Variants in CORIN observed in about 807,000 individuals in gnomAD.
CORIN encodes the protein corin, serine peptidase.
CORIN carries 117 observed loss-of-function variants against 125.3 expected under a neutral mutation model. The ratio of observed to expected loss-of-function variants is 0.93; its 90% CI spans 0.80 to 1.09. The LOEUF is 1.09. Among genes scored for constraint, CORIN ranks in the 50% least tolerant of loss-of-function variants. The pLI is 0.00. For synonymous variants in CORIN, 450 were observed against 466.4 expected, an observed-to-expected ratio of 0.96 and a Z score of 0.45; for missense variants, 1,253 against 1,306.7, an observed-to-expected ratio of 0.96 and a Z score of 0.63.
chr4:47,836,947 G>A (rs1733459931), intron 1 of CORIN, among the ~76,000 whole-genome samples: 1 of 152,248 alleles, frequency 6.6e-6, no homozygotes, highest in Non-Finnish European at 1.5e-5. Context: ...GACCCTCGCG[G>A]TAGCAAGCGG....
At chr4:47,741,463 T>G (rs1409774251) in intron 5 of CORIN, among the ~76,000 whole-genome samples, 1 of 151,982 alleles carries the variant, frequency 6.6e-6, no homozygotes, top group Non-Finnish European at 1.5e-5. Flanking sequence ...ACTGGAGCCC[T>G]CATACATTGT....
rs758543275 is a variant in CORIN at position 47,645,196 on chromosome 4, T to C, written c.1844-2A>G. 1.3e-6 allele frequency: 2 copies of C among 1,515,236 alleles called. No individual in the cohort carries two copies. Among genetic ancestry groups the C allele is most frequent in the South Asian group, 2.3e-5 (2 of 86,210 alleles). The allele number at this position is 1,515,236 out of a possible 1,614,324, so 93.9% of individuals were successfully genotyped here. A position where few individuals can be genotyped will look rare whatever the true frequency, so the allele number is the denominator to read the frequency against. On this transcript the variant is annotated splice_acceptor_variant, in intron 13 of 21. Coordinates refer to ENST00000273857, the MANE Select transcript of CORIN (RefSeq NM_006587.4). LOFTEE classifies it high-confidence loss of function. The stretch of plus-strand genomic sequence containing the variant: ...CCCAAAGATCTCTCTCTTTACAACC[T>C]AGAGACAGAAGAAAAGGTTATTTGC...
chr4:47,709,036 G>C (rs1428914801), intron 5 of CORIN, among the ~76,000 whole-genome samples: 2 of 152,192 alleles, frequency 1.3e-5, no homozygotes, highest in African/African-American at 4.8e-5. Context: ...AGAAACAGAA[G>C]AGGGCAATGG....
At chr4:47,707,945 A>G (rs1433402794) in intron 5 of CORIN, among the ~76,000 whole-genome samples, 2 of 152,212 alleles carry the variant, frequency 1.3e-5, no homozygotes, top group East Asian at 3.9e-4. Context: ...TATATGTCTT[A>G]AAGACTTTAC....
At chr4:47,659,732 A>G (rs1225927535) in intron 12 of CORIN, among the ~76,000 whole-genome samples, 1 of 152,220 alleles carries the variant, frequency 6.6e-6, no homozygotes, top group Non-Finnish European at 1.5e-5. Context: ...ACTGGGGATT[A>G]CATCTCAACA....
At chr4:47,667,010 C>T (rs1724511945) in intron 10 of CORIN, among the ~76,000 whole-genome samples, 1 of 152,196 alleles carries the variant, frequency 6.6e-6, no homozygotes, top group South Asian at 2.1e-4. Flanking sequence ...TTGTAGCTCC[C>T]ATAATCCCCA....
chr4:47,758,707 C>T (rs1326146891), intron 4 of CORIN, among the ~76,000 whole-genome samples: 1 of 152,148 alleles, frequency 6.6e-6, no homozygotes, highest in Admixed American at 6.5e-5. Context: ...GCAGTTACCC[C>T]CATGTTGCTG....
intron 20 of CORIN, among the ~76,000 whole-genome samples, chr4:47,602,016 T>G (rs925487331): frequency 6.6e-6 from 1 of 152,080 alleles, no homozygotes; most frequent in Admixed American, 6.6e-5. Flanking sequence ...ACTTACAGTT[T>G]TTTTTTTTTA....
chr4:47,613,861 TGAC>T (rs1721966719), intron 19 of CORIN, among the ~76,000 whole-genome samples: 1 of 148,174 alleles, frequency 6.7e-6, no homozygotes, highest in Non-Finnish European at 1.5e-5. Flanking sequence ...TAATGCTAGA[TGAC>T]GAGTTAGTGG....
intron 2 of CORIN, among the ~76,000 whole-genome samples, chr4:47,793,667 T>C (rs1171049907): frequency 2.0e-5 from 3 of 152,206 alleles, no homozygotes; most frequent in Non-Finnish European, 2.9e-5. Context: ...ACATAGGTTC[T>C]TCATTTCAAA....
chr4:47,720,165 A>C (rs902234357), intron 5 of CORIN, among the ~76,000 whole-genome samples: 1 of 152,162 alleles, frequency 6.6e-6, no homozygotes, highest in Non-Finnish European at 1.5e-5. Flanking sequence ...TTTGACTTGC[A>C]AAACAAAAGA....
At chr4:47,734,506 T>C (rs186493865) in intron 5 of CORIN, among the ~76,000 whole-genome samples, 1 of 152,338 alleles carries the variant, frequency 6.6e-6, no homozygotes, top group Non-Finnish European at 1.5e-5. Context: ...CCATTGACAT[T>C]TAACCTGTGT....
chr4:47,770,979 A>C (rs2109885743), intron 3 of CORIN, among the ~76,000 whole-genome samples: 1 of 152,292 alleles, frequency 6.6e-6, no homozygotes, highest in African/African-American at 2.4e-5. Context: ...GACTATAGTT[A>C]ATAATAATGC....
chr4:47,641,988 T>C lies in CORIN; in HGVS notation c.2130A>G (p.Glu710=). ...SFLMVHRAAT[E]HHVCADGWQE... ...GCCAGCCATCTGCACACACATGGTG[T>C]TCTGTGGCAGCTCTGTGAACCATCA... The change falls in exon 16 of 22, where the codon GAA becomes GAG. Residue 710 remains glutamate, a synonymous_variant. Coordinates refer to ENST00000273857, the MANE Select transcript of CORIN (RefSeq NM_006587.4). 1 of 1,613,648 alleles carries C rather than the reference T, an allele frequency of 6.2e-7. No homozygotes were observed.
chr4:47,672,637 TATATATACACAC>T (rs1426376973), intron 10 of CORIN, among the ~76,000 whole-genome samples: 1 of 152,098 alleles, frequency 6.6e-6, no homozygotes, highest in Non-Finnish European at 1.5e-5. Flanking sequence ...TGTGTGTGTA[TATATATACACAC>T]ATATATACAC....
chr4:47,764,981 T>G (rs1729645524), intron 3 of CORIN, among the ~76,000 whole-genome samples: 1 of 152,042 alleles, frequency 6.6e-6, no homozygotes, highest in South Asian at 2.1e-4. Flanking sequence ...AAGAAACCAC[T>G]GAATATTAAG....
intron 19 of CORIN, among the ~76,000 whole-genome samples, chr4:47,608,318 C>A (rs2109521017): frequency 6.6e-6 from 1 of 151,992 alleles, no homozygotes; most frequent in Non-Finnish European, 1.5e-5. Flanking sequence ...AAAACTCCAT[C>A]GCCAAAGAAA....
chr4:47,604,198 C>A (rs540060075), intron 19 of CORIN, among the ~76,000 whole-genome samples: 1 of 152,212 alleles, frequency 6.6e-6, no homozygotes. Context: ...CACCTTAAAA[C>A]ACTTTCTTCA....
At chr4:47,799,016 AT>A (rs1731413436) in intron 2 of CORIN, among the ~76,000 whole-genome samples, 1 of 151,682 alleles carries the variant, frequency 6.6e-6, no homozygotes, top group Non-Finnish European at 1.5e-5. Flanking sequence ...TCCTGTGATA[AT>A]TTGCTTAAGC....
Sources: gnomAD v4.1 joint callset for allele counts (sites outside exome capture counted in the v4.1 genomes callset) on GRCh38, gnomAD v4.1.1 for gene constraint, MANE v1.5 for transcripts, NCBI Gene and HGNC (gene_info 2026-07-23, HGNC 2026-07-21) for gene names.